Variants in SUPT3H observed in about 807,000 individuals in gnomAD.
SUPT3H encodes transcription initiation protein SPT3 homolog.
Under a neutral mutation model 44.3 loss-of-function variants are expected in SUPT3H, and 44 were observed. The ratio of observed to expected loss-of-function variants is 0.99; its 90% CI spans 0.78 to 1.28. The LOEUF is 1.28. Among genes scored for constraint, SUPT3H ranks in the 50% most tolerant of loss-of-function variants. The pLI, the probability that SUPT3H is intolerant of heterozygous loss-of-function variation, is 0.00. For synonymous variants in SUPT3H, 124 were observed against 125.6 expected, an observed-to-expected ratio of 0.99 and a Z score of 0.09; for missense variants, 380 against 387.1, an observed-to-expected ratio of 0.98 and a Z score of 0.15.
At chr6:45,129,331 T>G (rs888611130) in intron 2 of SUPT3H, among the ~76,000 whole-genome samples, 5 of 152,214 alleles carry the variant, frequency 3.3e-5, no homozygotes, top group Middle Eastern at 3.2e-3. Context: ...GATAAAGAAG[T>G]TTTCATTTGG....
chr6:44,900,097 G>T (rs3957281), intron 10 of SUPT3H, among the ~76,000 whole-genome samples: 1 of 152,030 alleles, frequency 6.6e-6, no homozygotes, highest in Non-Finnish European at 1.5e-5. Flanking sequence ...CAGCATAAGC[G>T]ACGCAGAAGA....
chr6:44,925,600 G>A (rs1347692464), intron 10 of SUPT3H, among the ~76,000 whole-genome samples: 1 of 152,100 alleles, frequency 6.6e-6, no homozygotes, highest in Non-Finnish European at 1.5e-5. Context: ...GCAATTTACA[G>A]CACTTCCCAT....
At chr6:44,952,431 T>C (rs1205876050) in intron 9 of SUPT3H, among the ~76,000 whole-genome samples, 3 of 152,222 alleles carry the variant, frequency 2.0e-5, no homozygotes, top group African/African-American at 4.8e-5. Flanking sequence ...TCCTTGCCTA[T>C]AGATATTTAA....
At position 45,328,793 on chromosome 6, in the gene SUPT3H, T is replaced by C. The variant is rs769455437; in HGVS notation, c.101+36408A>G. On this transcript the variant is annotated intron_variant, in intron 2 of 10. Transcript: ENST00000371459. ...GCAAAACTTCTTTTGGGGTAAGTGT[T>C]ACCATTTTTAAAATCCTGTAAGATA... 56 of 1,611,600 alleles carry C rather than the reference T, an allele frequency of 3.5e-5. No individual in the cohort carries two copies. The highest frequency in any genetic ancestry group is 8.4e-5 in the Admixed American group (5 of 59,768).
At chr6:45,329,113 G>C (rs1367844727) in intron 2 of SUPT3H, among the ~76,000 whole-genome samples, 6 of 152,038 alleles carry the variant, frequency 3.9e-5, no homozygotes, top group Middle Eastern at 3.4e-3. Flanking sequence ...CAGAAGAAAA[G>C]TCAGATCCTA....
intron 10 of SUPT3H, among the ~76,000 whole-genome samples, chr6:44,922,312 A>ATT (rs1393581991): frequency 6.6e-6 from 1 of 152,248 alleles, no homozygotes; most frequent in Admixed American, 6.5e-5. Context: ...GTTGGGCACA[A>ATT]TAAGAGTAAG....
At chr6:45,033,832 T>C (rs1348284524) in intron 3 of SUPT3H, among the ~76,000 whole-genome samples, 3 of 152,138 alleles carry the variant, frequency 2.0e-5, no homozygotes, top group Non-Finnish European at 4.4e-5. Flanking sequence ...ATACTAGCCA[T>C]GATGAATTTT....
chr6:45,280,695 G>T lies in SUPT3H; in HGVS notation c.101+84506C>A, dbSNP rs34927422. Among the ~76,000 whole-genome samples, 498 of 152,158 alleles carry T rather than the reference G, an allele frequency of 3.3e-3. 6 individuals are homozygous for T. The highest frequency in any genetic ancestry group is 0.011 in the African/African-American group (476 of 41,488). The stretch of plus-strand genomic sequence containing the variant: ...TTGTAACATGAACTGGTAATAAAAG[G>T]TCTATTGTGGATAAGAGGAAACCAA... On this transcript the variant is annotated intron_variant, in intron 2 of 10. Coordinates refer to ENST00000371459, the MANE Select transcript of SUPT3H (RefSeq NM_003599.4).
intron 10 of SUPT3H, among the ~76,000 whole-genome samples, chr6:44,902,754 C>T (rs563423907): frequency 1.8e-3 from 272 of 152,236 alleles, no homozygotes; most frequent in African/African-American, 6.4e-3. Context: ...ACTGCACTTA[C>T]TCCAAAATTG....
Position 44,828,276 on chromosome 6 carries a change from T to TAATC in SUPT3H, c.*1536_*1539dup, listed in dbSNP as rs1279931157. Among the ~76,000 whole-genome samples the TAATC allele has an allele frequency of 7.9e-6, 1 of 126,806 alleles. No homozygotes were observed. Among genetic ancestry groups the TAATC allele is most frequent in the African/African-American group, 3.8e-5 (1 of 26,020 alleles). The allele number at this position is 126,806 out of a possible 152,430, so 83.2% of individuals were successfully genotyped here. On this transcript the variant is annotated 3_prime_UTR_variant, in exon 11 of 11. Coordinates refer to ENST00000371459, the MANE Select transcript of SUPT3H (RefSeq NM_003599.4). Reference sequence around the variant, plus strand: ...ATAAGAATGATAAAAAGTTTAATCATAATCATACATTTTAACAAGCATAGA... The same window carrying TAATC: ...ATAAGAATGATAAAAAGTTTAATCATAATCAATCATACATTTTAACAAGCATAGA...
intron 2 of SUPT3H, among the ~76,000 whole-genome samples, chr6:45,317,540 A>G (rs1784884792): frequency 6.6e-6 from 1 of 152,144 alleles, no homozygotes; most frequent in Non-Finnish European, 1.5e-5. Flanking sequence ...AAATCCATAC[A>G]TTTACTGTCA....
At chr6:44,890,773 A>AATAAT (rs34596153) in intron 10 of SUPT3H, among the ~76,000 whole-genome samples, 16,590 of 150,346 alleles carry the variant, frequency 0.11, 1,233 homozygotes, top group East Asian at 0.25. Context: ...ATAATAATAA[A>AATAAT]AAAAAAAGAA....
chr6:45,213,915 T>C (rs1165469845), intron 2 of SUPT3H, among the ~76,000 whole-genome samples: 2 of 139,844 alleles, frequency 1.4e-5, no homozygotes, highest in Non-Finnish European at 3.0e-5. Flanking sequence ...TTCAAATTTC[T>C]AAAATACATT....
At chr6:45,172,593 ATTT>A (rs141335840) in intron 2 of SUPT3H, among the ~76,000 whole-genome samples, 124,145 of 146,126 alleles carry the variant, frequency 0.85, 52,663 homozygotes, top group Non-Finnish European at 0.87. Flanking sequence ...AGATAGATAT[ATTT>A]TTTTTTTTTT....
At chr6:45,203,622 C>G (rs1282266949) in intron 2 of SUPT3H, among the ~76,000 whole-genome samples, 1 of 152,158 alleles carries the variant, frequency 6.6e-6, no homozygotes, top group Non-Finnish European at 1.5e-5. Context: ...ATTACCAATA[C>G]TGTCAAAATA....
intron 2 of SUPT3H, among the ~76,000 whole-genome samples, chr6:45,341,859 T>A (rs1581723451): frequency 6.6e-6 from 1 of 152,156 alleles, no homozygotes; most frequent in East Asian, 1.9e-4. Flanking sequence ...CCTACAATTA[T>A]TCACACTTAT....
In SUPT3H at chr6:45,346,086, T is replaced by C. The variant is rs117268147; in HGVS notation, c.101+19115A>G. 1.2e-4 allele frequency among the ~76,000 whole-genome samples: 18 copies of C among 152,268 alleles called. No individual in the cohort carries two copies. In the East Asian group the frequency reaches 3.1e-3, roughly 26 times the overall value. ...TTTTCACTGGCTTTCATCCTCCAAA[T>C]TGAAAACTCTCTGATCCACCTCCAT... On this transcript the variant is annotated intron_variant, in intron 2 of 10. Transcript: ENST00000371459.
intron 3 of SUPT3H, among the ~76,000 whole-genome samples, chr6:45,045,405 C>T (rs1789224026): frequency 6.6e-6 from 1 of 152,114 alleles, no homozygotes; most frequent in South Asian, 2.1e-4. Context: ...CCCAAACTAC[C>T]TTGTTCATGG....
intron 6 of SUPT3H, among the ~76,000 whole-genome samples, chr6:44,969,473 CTT>C (rs1262703329): frequency 6.6e-6 from 1 of 151,998 alleles, no homozygotes; most frequent in African/African-American, 2.4e-5. Context: ...CTTCTTTCCT[CTT>C]GAGTTAATTT....
Sources: allele counts gnomAD v4.1 joint callset (sites outside exome capture counted in the v4.1 genomes callset), GRCh38; gene constraint gnomAD v4.1.1; transcripts MANE v1.5; gene names NCBI Gene and HGNC (gene_info 2026-07-23, HGNC 2026-07-21).